The following GTF2H4 variants were observed in gnomAD, a reference collection of about 807,000 sequenced individuals.
The protein encoded by GTF2H4 is general transcription factor IIH subunit 4, also known as BTF2 p52.
A neutral mutation model predicts 62.2 loss-of-function variants in GTF2H4; 49 were observed. The ratio of observed to expected loss-of-function variants is 0.79; its 90% confidence interval spans 0.63 to 1.00. The LOEUF (loss-of-function observed/expected upper bound fraction) is 1.00, where lower values mean the gene tolerates loss of function less well. GTF2H4 is among the 50% of genes least tolerant of loss of function. The pLI, the probability that GTF2H4 is intolerant of heterozygous loss-of-function variation, is 0.00. For synonymous variants in GTF2H4, 189 were observed against 233.8 expected, an observed-to-expected ratio of 0.81 and a Z score of 1.75; for missense variants, 479 against 587.8, an observed-to-expected ratio of 0.81 and a Z score of 1.91.
chr6:30,909,244 G>A lies in GTF2H4; in HGVS notation c.137+71G>A. Reference sequence around the variant, plus strand: ...GTGGAATAAAATATCATAGGTAAAAGTGTAGCAGCCTGGAGTCGGGGTGGG... The same window carrying A: ...GTGGAATAAAATATCATAGGTAAAAATGTAGCAGCCTGGAGTCGGGGTGGG... On this transcript the variant is annotated intron_variant, in intron 2 of 13. Transcript: ENST00000259895. The surrounding 1 kb of genome is among the most constrained non-coding windows in gnomAD (Gnocchi z 4.3). 6.6e-7 allele frequency: 1 copy of A among 1,524,260 alleles called. No individual in the cohort carries two copies. The highest frequency in any genetic ancestry group is 8.8e-7 in the Non-Finnish European group (1 of 1,130,706). The allele number at this position is 1,524,260 out of a possible 1,614,324, so 94.4% of individuals were successfully genotyped here. A position where few individuals can be genotyped will look rare whatever the true frequency, so the allele number is the denominator to read the frequency against.
In GTF2H4 at chr6:30,911,618, G is replaced by C. The variant is rs893377035; in HGVS notation, c.742-66G>C. On this transcript the variant is annotated intron_variant, in intron 8 of 13. Coordinates refer to ENST00000259895, the MANE Select transcript of GTF2H4 (RefSeq NM_001517.5). This position sits in a 1 kb window ranked among gnomAD's most constrained non-coding sequence, Gnocchi z 4.3. ...GAACAGAGATGGAGAAAGAAAGAAT[G>C]AATGTATGGGGTTGGGGGTGGGTGG... The C allele has an allele frequency of 4.8e-6, 4 of 828,938 alleles. No individual in the cohort carries two copies. In the African/African-American group the frequency reaches 5.4e-5, roughly 11 times the overall value. The allele number at this position is 828,938 out of a possible 1,614,324, so 51.3% of individuals were successfully genotyped here.
rs756171809 is a variant in GTF2H4, at chr6:30,910,668, G to A, written c.378G>A (p.Gly126=). 3 of 1,612,332 alleles carry A rather than the reference G, an allele frequency of 1.9e-6. No homozygotes were observed. The highest frequency in any genetic ancestry group is 1.1e-5 in the South Asian group (1 of 91,082). The part of the protein sequence containing the change: ...QNLRIALLGG[G]KAWSDDTSQL... ...TCTTGGCCCATCCTGGCCGTAGGGGGAAGGCCTGGTCTGATGACACAAGTC... is the reference window on the plus strand; with the variant it reads ...TCTTGGCCCATCCTGGCCGTAGGGGAAAGGCCTGGTCTGATGACACAAGTC... The change falls in exon 5 of 14, where the codon GGG becomes GGA. Residue 126 remains glycine (G), a synonymous_variant. Coordinates refer to ENST00000259895, the MANE Select transcript of GTF2H4 (RefSeq NM_001517.5). This position sits in a 1 kb window ranked among gnomAD's most constrained non-coding sequence, Gnocchi z 4.7.
chr6:30,914,020 A>G lies in GTF2H4; in HGVS notation c.*37A>G. 1.4e-6 allele frequency: 2 copies of G among 1,444,560 alleles called. No homozygotes were observed. The highest frequency in any genetic ancestry group is 9.5e-7 in the Non-Finnish European group (1 of 1,050,812). The allele number at this position is 1,444,560 out of a possible 1,614,324, so 89.5% of individuals were successfully genotyped here. On this transcript the variant is annotated 3_prime_UTR_variant, in exon 14 of 14. Transcript: ENST00000259895. ...TTGGACACGGACCTCGGCGGGCGGG[A>G]CTGGGCGGGGCGGGGCATCAGAACT...
rs1313326901 is a variant in GTF2H4 at position 30,909,532 on chromosome 6, TTCAGCAAGTAAGTC to T, written c.241_242+12del. The stretch of plus-strand genomic sequence containing the variant: ...TGTAGCTCTGTGGGTAAAGAAGGAA[TTCAGCAAGTAAGTC>T]TCAGCCAGATACAAATTTCTCAACA... On this transcript the variant is annotated splice_donor_variant and splice_donor_5th_base_variant and coding_sequence_variant and intron_variant, in exon 3 of 14. Coordinates refer to ENST00000259895, the MANE Select transcript of GTF2H4 (RefSeq NM_001517.5). LOFTEE classifies it high-confidence loss of function. This position sits in a 1 kb window ranked among gnomAD's most constrained non-coding sequence, Gnocchi z 4.3. 6.3e-7 allele frequency: 1 copy of T among 1,599,048 alleles called. No homozygotes were observed. Among genetic ancestry groups the T allele is most frequent in the Admixed American group, 1.7e-5 (1 of 59,976 alleles).
At position 30,913,778 on chromosome 6, in the gene GTF2H4, C is replaced by T; in HGVS notation, c.1217-33C>T. ...GCTCCGAGCTTCACTTTCTCGTCTT[C>T]TCCCCGCGCCCCTCCCGTCCTGCCG... On this transcript the variant is annotated intron_variant, in intron 13 of 13. Transcript: ENST00000259895. The surrounding 1 kb of genome is among the most constrained non-coding windows in gnomAD (Gnocchi z 4.2). 6.6e-7 allele frequency: 1 copy of T among 1,506,592 alleles called. No individual in the cohort carries two copies. The highest frequency in any genetic ancestry group is 8.9e-7 in the Non-Finnish European group (1 of 1,125,086). 93.3% of individuals were successfully genotyped at this position (1,506,592 alleles called of 1,614,324 possible). A position where few individuals can be genotyped will look rare whatever the true frequency, so the allele number is the denominator to read the frequency against.
chr6:30,910,028 T>C lies in GTF2H4; in HGVS notation c.339T>C (p.Ile113=), dbSNP rs771017654. Residue 113 remains isoleucine (I), a synonymous_variant, in exon 4 of 14, where the codon ATT becomes ATC. Transcript: ENST00000259895. The surrounding 1 kb of genome is among the most constrained non-coding windows in gnomAD (Gnocchi z 4.7). The stretch of plus-strand genomic sequence containing the variant: ...TCCAGGGCCTCATCCTCAACCCCAT[T>C]TTCCGCCAGAACCTCCGCATTGCCC... ...GGLQGLILNP[I]FRQNLRIALL... is the part of the protein sequence containing the mutation. 6.2e-7 allele frequency: 1 copy of C among 1,612,908 alleles called. No individual in the cohort carries two copies. Among genetic ancestry groups the C allele is most frequent in the Admixed American group, 1.7e-5 (1 of 60,006 alleles).
Position 30,913,288 on chromosome 6 carries a change from G to T in GTF2H4, c.1138-21G>T. The T allele has an allele frequency of 6.2e-7, 1 of 1,613,858 alleles. No homozygotes were observed. ...TGGGGCAGTATTCTGAGTCCCTACA[G>T]TCAACCCTTGCTCCTTGCAGACACC... is the stretch of plus-strand genomic sequence containing the variant. On this transcript the variant is annotated intron_variant, in intron 12 of 13. Transcript: ENST00000259895. The surrounding 1 kb of genome is among the most constrained non-coding windows in gnomAD (Gnocchi z 4.2).
Position 30,912,261 on chromosome 6 carries a change from A to G in GTF2H4, c.959-67A>G. 1 of 1,603,590 alleles carries G rather than the reference A, an allele frequency of 6.2e-7. No homozygotes were observed. Among genetic ancestry groups the G allele is most frequent in the Non-Finnish European group, 8.5e-7 (1 of 1,173,950 alleles). ...TCTCTGACATTTCTCATGACACTTG[A>G]AAGAAGGGCTTGAGGGAGTCTGGGT... On this transcript the variant is annotated intron_variant, in intron 10 of 13. Coordinates refer to ENST00000259895, the MANE Select transcript of GTF2H4 (RefSeq NM_001517.5). This position sits in a 1 kb window ranked among gnomAD's most constrained non-coding sequence, Gnocchi z 4.8.
rs759355971 is a variant in GTF2H4, at chr6:30,911,458, C to G, written c.700C>G (p.Leu234Val). Reference protein sequence around the residue: ...QSRGMDLVEILSFLFQLSFST... With the variant: ...QSRGMDLVEIVSFLFQLSFST... ...CCGGGGCATGGACCTGGTAGAGATTCTCTCCTTCCTCTTCCAGCTCAGCTT... is the reference window on the plus strand; with the variant it reads ...CCGGGGCATGGACCTGGTAGAGATTGTCTCCTTCCTCTTCCAGCTCAGCTT... Residue 234 changes from leucine (L) to valine (V), a missense_variant, in exon 8 of 14, where the codon CTC (leucine) becomes GTC (valine). Leu to Val is a conservative substitution (Grantham distance 32). Coordinates refer to ENST00000259895, the MANE Select transcript of GTF2H4 (RefSeq NM_001517.5). The surrounding 1 kb of genome is among the most constrained non-coding windows in gnomAD (Gnocchi z 4.3). 1 of 1,614,060 alleles carries G rather than the reference C, an allele frequency of 6.2e-7. No individual in the cohort carries two copies. Among genetic ancestry groups the G allele is most frequent in the South Asian group, 1.1e-5 (1 of 91,082 alleles).
rs1277874724 is a variant in GTF2H4, at chr6:30,910,590, C to G, written c.375-75C>G. The G allele has an allele frequency of 9.1e-7, 1 of 1,100,422 alleles. No individual in the cohort carries two copies. The highest frequency in any genetic ancestry group is 2.4e-5 in the East Asian group (1 of 41,752). The allele number at this position is 1,100,422 out of a possible 1,614,324, so 68.2% of individuals were successfully genotyped here. A position where few individuals can be genotyped will look rare whatever the true frequency, so the allele number is the denominator to read the frequency against. ...AAGTGATCCGCCCATCTCGGCCTCCCAAAGTACAGGGATTACAGGTGTGAG... is the reference window on the plus strand; with the variant it reads ...AAGTGATCCGCCCATCTCGGCCTCCGAAAGTACAGGGATTACAGGTGTGAG... On this transcript the variant is annotated intron_variant, in intron 4 of 13. Coordinates refer to ENST00000259895, the MANE Select transcript of GTF2H4 (RefSeq NM_001517.5). The surrounding 1 kb of genome is among the most constrained non-coding windows in gnomAD (Gnocchi z 4.7).
chr6:30,912,138 C>G lies in GTF2H4; in HGVS notation c.950C>G (p.Ala317Gly). The change falls in exon 10 of 14, where the codon GCC becomes GGC. Residue 317 changes from alanine to glycine, a missense_variant. Ala to Gly is a moderately conservative substitution (Grantham distance 60). Transcript: ENST00000259895. The surrounding 1 kb of genome is among the most constrained non-coding windows in gnomAD (Gnocchi z 4.8). The part of the protein sequence containing the change: ...IVVETNYRLY[A>G]YTESELQIAL... ...GTGGAAACCAATTACCGACTGTATG[C>G]CTACACGGGTGAGGCGGGACAGAGG... is the stretch of plus-strand genomic sequence containing the variant. 2 of 1,612,814 alleles carry G rather than the reference C, an allele frequency of 1.2e-6. No homozygotes were observed. Among genetic ancestry groups the G allele is most frequent in the Non-Finnish European group, 1.7e-6 (2 of 1,179,982 alleles).
chr6:30,911,736 T>G lies in GTF2H4; in HGVS notation c.794T>G (p.Leu265Arg). 6.2e-7 allele frequency: 1 copy of G among 1,612,978 alleles called. No individual in the cohort carries two copies. Among genetic ancestry groups the G allele is most frequent in the Non-Finnish European group, 8.5e-7 (1 of 1,179,954 alleles). ...TCTCTGTTGAACTTCCTGCAACATCTGCGTGAGTTTGGGCTTGTTTTCCAG... is the reference window on the plus strand; with the variant it reads ...TCTCTGTTGAACTTCCTGCAACATCGGCGTGAGTTTGGGCTTGTTTTCCAG... ...SDSLLNFLQHLREFGLVFQRK... is the reference protein window; with the variant it reads ...SDSLLNFLQHRREFGLVFQRK... The change falls in exon 9 of 14, where the codon CTG becomes CGG. Residue 265 changes from leucine to arginine, a missense_variant. Leu to Arg is a moderately radical substitution (Grantham distance 102, BLOSUM62 -2). Transcript: ENST00000259895. This position sits in a 1 kb window ranked among gnomAD's most constrained non-coding sequence, Gnocchi z 4.3.
chr6:30,911,675 G>T lies in GTF2H4; in HGVS notation c.742-9G>T. 6.2e-7 allele frequency: 1 copy of T among 1,608,628 alleles called. No individual in the cohort carries two copies. On this transcript the variant is annotated splice_polypyrimidine_tract_variant and intron_variant, in intron 8 of 13. Transcript: ENST00000259895. The surrounding 1 kb of genome is among the most constrained non-coding windows in gnomAD (Gnocchi z 4.3). The stretch of plus-strand genomic sequence containing the variant: ...TTTTGGACCCCAGCTGGAAACCTCT[G>T]TTCCTCAGGATTACTCTGTGGAAGG...
Position 30,911,520 on chromosome 6 carries a change from T to C in GTF2H4, c.741+21T>C. Reference sequence around the variant, plus strand: ...GCAAGGTAAGCAGGGGGCTGAAAGGTATAGAGATGGGAAGGGGAAAGCAAG... The same window carrying C: ...GCAAGGTAAGCAGGGGGCTGAAAGGCATAGAGATGGGAAGGGGAAAGCAAG... On this transcript the variant is annotated intron_variant, in intron 8 of 13. Coordinates refer to ENST00000259895, the MANE Select transcript of GTF2H4 (RefSeq NM_001517.5). The surrounding 1 kb of genome is among the most constrained non-coding windows in gnomAD (Gnocchi z 4.3). The C allele has an allele frequency of 6.2e-7, 1 of 1,603,800 alleles. No homozygotes were observed. Among genetic ancestry groups the C allele is most frequent in the Non-Finnish European group, 8.5e-7 (1 of 1,171,324 alleles).
In GTF2H4 at chr6:30,913,735, G is replaced by A; in HGVS notation, c.1217-76G>A. Reference sequence around the variant, plus strand: ...GTCCAGGGCTGCCACCAAGGAGCTGGGGGGATTCCCAATAGGAGCTCCGAG... The same window carrying A: ...GTCCAGGGCTGCCACCAAGGAGCTGAGGGGATTCCCAATAGGAGCTCCGAG... On this transcript the variant is annotated intron_variant, in intron 13 of 13. Transcript: ENST00000259895. The surrounding 1 kb of genome is among the most constrained non-coding windows in gnomAD (Gnocchi z 4.2). 7.3e-7 allele frequency: 1 copy of A among 1,373,476 alleles called. No individual in the cohort carries two copies. Among genetic ancestry groups the A allele is most frequent in the South Asian group, 1.5e-5 (1 of 67,770 alleles). 85.1% of individuals were successfully genotyped at this position (1,373,476 alleles called of 1,614,324 possible).
rs1159191374 is a variant in GTF2H4, at chr6:30,911,559, G to C, written c.741+60G>C. On this transcript the variant is annotated intron_variant, in intron 8 of 13. Coordinates refer to ENST00000259895, the MANE Select transcript of GTF2H4 (RefSeq NM_001517.5). This position sits in a 1 kb window ranked among gnomAD's most constrained non-coding sequence, Gnocchi z 4.3. ...GGGGAAAGCAAGTTGTGGGGCAGTA[G>C]AGTAGACTGAGAAGATAAGAATGAA... 5.6e-6 allele frequency: 8 copies of C among 1,429,004 alleles called. No homozygotes were observed. The highest frequency in any genetic ancestry group is 7.8e-6 in the Non-Finnish European group (8 of 1,022,032). 88.5% of individuals were successfully genotyped at this position (1,429,004 alleles called of 1,614,324 possible).
rs1222593686 is a variant in GTF2H4, at chr6:30,911,451, A to G, written c.693A>G (p.Val231=). 6.2e-7 allele frequency: 1 copy of G among 1,613,886 alleles called. No individual in the cohort carries two copies. Among genetic ancestry groups the G allele is most frequent in the Admixed American group, 1.7e-5 (1 of 60,032 alleles). ...CCTAGAGCCGGGGCATGGACCTGGT[A>G]GAGATTCTCTCCTTCCTCTTCCAGC... ...QTAQSRGMDL[V]EILSFLFQLS... is the part of the protein sequence containing the mutation. Residue 231 remains valine, a synonymous_variant, in exon 8 of 14, where the codon GTA becomes GTG. Transcript: ENST00000259895. The surrounding 1 kb of genome is among the most constrained non-coding windows in gnomAD (Gnocchi z 4.3).
In GTF2H4 at chr6:30,911,219, A is replaced by G. The variant is rs138478436; in HGVS notation, c.622A>G (p.Thr208Ala). Residue 208 changes from threonine to alanine, a missense_variant, in exon 7 of 14, where the codon ACC becomes GCC. Physicochemically the swap from Thr to Ala is moderately conservative, Grantham distance 58. Transcript: ENST00000259895. This position sits in a 1 kb window ranked among gnomAD's most constrained non-coding sequence, Gnocchi z 4.3. ...SAGFQFLLLD[T>A]PAQLWYFMLQ... is the part of the protein sequence containing the mutation. ...TGGCTTCCAGTTCCTGTTGCTGGAC[A>G]CCCCGGCTCAGCTCTGGTACTTTAT... 2.4e-5 allele frequency: 39 copies of G among 1,613,422 alleles called. No individual in the cohort carries two copies. In the African/African-American group the frequency reaches 4.8e-4, roughly 20 times the overall value.
In GTF2H4 at chr6:30,909,669, A is replaced by G. The variant is rs190398131; in HGVS notation, c.242+130A>G. ...AATAAATACATTTGGGAAACTCTGC[A>G]TATTGCCTTTTCCCTTTTATTTATT... On this transcript the variant is annotated intron_variant, in intron 3 of 13. Coordinates refer to ENST00000259895, the MANE Select transcript of GTF2H4 (RefSeq NM_001517.5). The surrounding 1 kb of genome is among the most constrained non-coding windows in gnomAD (Gnocchi z 4.3). 260 of 648,880 alleles carry G rather than the reference A, an allele frequency of 4.0e-4. No homozygotes were observed. In the African/African-American group the frequency reaches 4.2e-3, roughly 10 times the overall value. The allele number at this position is 648,880 out of a possible 1,614,324, so 40.2% of individuals were successfully genotyped here.
Sources: allele counts gnomAD v4.1 joint callset, GRCh38; gene constraint gnomAD v4.1.1; non-coding constraint Gnocchi (gnomAD v3.1); transcripts MANE v1.5; gene names NCBI Gene and HGNC (gene_info 2026-07-23, HGNC 2026-07-21).